Variants in CACNB2 observed in about 807,000 individuals in gnomAD.
CACNB2 encodes the protein calcium voltage-gated channel auxiliary subunit beta 2.
A neutral mutation model predicts 73.3 loss-of-function variants in CACNB2; 42 were observed. The ratio of observed to expected loss-of-function variants is 0.57; its 90% confidence interval spans 0.45 to 0.74. The LOEUF is 0.74. Among genes scored for constraint, CACNB2 ranks in the 30% least tolerant of loss-of-function variants. The pLI, the probability that CACNB2 is intolerant of heterozygous loss-of-function variation, is 0.00. For missense variants in CACNB2, 940 were observed against 853.0 expected (o/e 1.10, Z -1.27); for synonymous variants, 348 against 310.3 (o/e 1.12, Z -1.28).
At chr10:18,404,540 C>T (rs1023292437) in intron 3 of CACNB2, among the ~76,000 whole-genome samples, 1 of 152,160 alleles carries the variant, frequency 6.6e-6, no homozygotes, top group Admixed American at 6.5e-5. Flanking sequence ...AAGAATCAGA[C>T]ATTTTCTACA....
intron 3 of CACNB2, among the ~76,000 whole-genome samples, chr10:18,406,740 A>G (rs1459259628): frequency 6.6e-6 from 1 of 152,212 alleles, no homozygotes; most frequent in African/African-American, 2.4e-5. Context: ...ATGTGCTTGA[A>G]TCATCCCAAA....
chr10:18,270,227 A>G (rs2037991754), intron 2 of CACNB2, among the ~76,000 whole-genome samples: 1 of 152,066 alleles, frequency 6.6e-6, no homozygotes, highest in Non-Finnish European at 1.5e-5. Context: ...AAACCATCAG[A>G]TCTCATAAAA....
chr10:18,240,143 A>G (rs1176311669), intron 2 of CACNB2, among the ~76,000 whole-genome samples: 1 of 152,268 alleles, frequency 6.6e-6, no homozygotes, highest in Non-Finnish European at 1.5e-5. Context: ...TTGAACTAGC[A>G]TAACAAAAAC....
At chr10:18,404,657 G>A (rs1258390225) in intron 3 of CACNB2, among the ~76,000 whole-genome samples, 5 of 152,140 alleles carry the variant, frequency 3.3e-5, no homozygotes, top group African/African-American at 1.2e-4. Context: ...TGCAGATGAC[G>A]TTAGCAGTGC....
intron 2 of CACNB2, chr10:18,260,907 A>T (rs2037506163): frequency 8.8e-7 from 1 of 1,139,670 alleles, no homozygotes; most frequent in Non-Finnish European, 1.1e-6. Flanking sequence ...TGGCTACTGT[A>T]AAAGCGTCAC....
rs1564553175 is a variant in CACNB2, at chr10:18,442,928, ATATATATATATATG to A, written c.333+40887_333+40900del. ...AAAAACAATATATATATATATATGT[ATATATATATATATG>A]TGTATATATATATATGTATATATAT... On this transcript the variant is annotated intron_variant, in intron 3 of 13. Coordinates refer to ENST00000324631, the MANE Select transcript of CACNB2 (RefSeq NM_201596.3). Among the ~76,000 whole-genome samples the A allele has an allele frequency of 4.9e-4, 25 of 50,678 alleles. 2 individuals carry two copies. Among genetic ancestry groups the A allele is most frequent in the African/African-American group, 2.4e-3 (17 of 6,990 alleles). The allele number at this position is 50,678 out of a possible 152,430, so 33.2% of individuals were successfully genotyped here. A position where few individuals can be genotyped will look rare whatever the true frequency, so the allele number is the denominator to read the frequency against.
At chr10:18,273,389 C>CAA (rs140290386) in intron 2 of CACNB2, among the ~76,000 whole-genome samples, 3 of 143,828 alleles carry the variant, frequency 2.1e-5, no homozygotes, top group African/African-American at 7.6e-5. Flanking sequence ...AAAAACAAAA[C>CAA]AAAAAAAAAA....
chr10:18,469,842 C>T (rs536865959), intron 3 of CACNB2, among the ~76,000 whole-genome samples: 2 of 152,258 alleles, frequency 1.3e-5, no homozygotes, highest in Non-Finnish European at 1.5e-5. Context: ...TCTAAATCCT[C>T]CCTACTCTTT....
chr10:18,422,516 T>C (rs1341711207), intron 3 of CACNB2, among the ~76,000 whole-genome samples: 1 of 152,220 alleles, frequency 6.6e-6, no homozygotes, highest in Non-Finnish European at 1.5e-5. Flanking sequence ...TGGTCTAGCA[T>C]GCTATTGCTC....
chr10:18,333,958 T>C (rs976652390), intron 2 of CACNB2, among the ~76,000 whole-genome samples: 4 of 152,226 alleles, frequency 2.6e-5, no homozygotes, highest in African/African-American at 9.6e-5. Context: ...TTTTAAAGTT[T>C]AAAACAACAA....
chr10:18,202,692 A>G (rs1489447601), intron 2 of CACNB2, among the ~76,000 whole-genome samples: 2 of 152,226 alleles, frequency 1.3e-5, no homozygotes, highest in South Asian at 2.1e-4. Context: ...GCCAGTGTCT[A>G]TAGTTCCAGA....
At chr10:18,255,378 C>G in intron 2 of CACNB2, among the ~76,000 whole-genome samples, 1 of 152,308 alleles carries the variant, frequency 6.6e-6, no homozygotes, top group Non-Finnish European at 1.5e-5. Flanking sequence ...CCAGAGACAC[C>G]TTTTCTGACC....
At position 18,323,949 on chromosome 10, in the gene CACNB2, C is replaced by T. The variant is rs568790269; in HGVS notation, c.214-77975C>T. 3.9e-5 allele frequency among the ~76,000 whole-genome samples: 6 copies of T among 152,234 alleles called. No individual in the cohort carries two copies. In the East Asian group the frequency reaches 1.2e-3, roughly 29 times the overall value. On this transcript the variant is annotated intron_variant, in intron 2 of 13. Coordinates refer to ENST00000324631, the MANE Select transcript of CACNB2 (RefSeq NM_201596.3). The stretch of plus-strand genomic sequence containing the variant: ...TCTTAAAGTCATTTGTAGAAAATGG[C>T]ATGTTATATTCCATGAATAGCCTGC...
chr10:18,365,199 C>T (rs1193156450), intron 2 of CACNB2, among the ~76,000 whole-genome samples: 1 of 152,110 alleles, frequency 6.6e-6, no homozygotes, highest in Non-Finnish European at 1.5e-5. Flanking sequence ...GTGTTTCCTG[C>T]CCCTGAGTTT....
At chr10:18,454,153 T>C (rs2047152518) in intron 3 of CACNB2, among the ~76,000 whole-genome samples, 1 of 152,158 alleles carries the variant, frequency 6.6e-6, no homozygotes, top group Non-Finnish European at 1.5e-5. Flanking sequence ...TGTAGAGTGA[T>C]GGGTGCTTTG....
chr10:18,491,192 G>A (rs2049399879), intron 3 of CACNB2, among the ~76,000 whole-genome samples: 1 of 152,204 alleles, frequency 6.6e-6, no homozygotes. Context: ...TCATATCCAA[G>A]AATCAGTTCT....
In CACNB2 at chr10:18,542,066, T is replaced by A. The variant is rs1411871111; in HGVS notation, c.*2342T>A. 1 of 148,670 alleles carries A rather than the reference T, an allele frequency of 6.7e-6. No homozygotes were observed. Among genetic ancestry groups the A allele is most frequent in the Admixed American group, 6.7e-5 (1 of 14,988 alleles). The allele number at this position is 148,670 out of a possible 1,614,324, so 9.2% of individuals were successfully genotyped here. On this transcript the variant is annotated 3_prime_UTR_variant, in exon 14 of 14. Transcript: ENST00000324631. ...ATGATTAAGCTGGGGTGGTAGAGTATACCTGTAGACCCAGCTACTTGGGAG... is the reference window on the plus strand; with the variant it reads ...ATGATTAAGCTGGGGTGGTAGAGTAAACCTGTAGACCCAGCTACTTGGGAG...
chr10:18,294,920 G>A (rs182822636), intron 2 of CACNB2, among the ~76,000 whole-genome samples: 71 of 152,340 alleles, frequency 4.7e-4, no homozygotes, highest in African/African-American at 1.7e-3. Context: ...GTAAGAAGGT[G>A]CACACCAGTG....
At chr10:18,475,693 G>A (rs2048406064) in intron 3 of CACNB2, among the ~76,000 whole-genome samples, 1 of 152,168 alleles carries the variant, frequency 6.6e-6, no homozygotes, top group Admixed American at 6.5e-5. Context: ...GGTTAGGAAA[G>A]ATCCTCTGAA....
Sources: allele counts gnomAD v4.1 joint callset (sites outside exome capture counted in the v4.1 genomes callset), GRCh38; gene constraint gnomAD v4.1.1; transcripts MANE v1.5; gene names NCBI Gene and HGNC (gene_info 2026-07-23, HGNC 2026-07-21).